GRM7: variants seen among roughly 807,000 people sequenced by gnomAD.
GRM7 encodes glutamate metabotropic receptor 7.
GRM7 carries 35 observed loss-of-function variants against 84.5 expected under a neutral mutation model. The observed-to-expected ratio is 0.41, with a 90% confidence interval of 0.32 to 0.55. The LOEUF is 0.55. Ranked by LOEUF, GRM7 falls within the 20% of genes least tolerant of loss-of-function variation. The probability of loss-of-function intolerance (pLI) is 0.19; values close to 1 mark genes in which losing one functional copy is unlikely to be tolerated. For missense variants in GRM7, 1,003 were observed against 1,194.6 expected (o/e 0.84, Z 2.36); for synonymous variants, 487 against 455.1 (o/e 1.07, Z -0.89).
intron 4 of GRM7, among the ~76,000 whole-genome samples, chr3:7,352,601 G>T (rs1041487175): frequency 6.6e-6 from 1 of 152,052 alleles, no homozygotes; most frequent in Non-Finnish European, 1.5e-5. Context: ...GCCCCAAAGC[G>T]TTTCTACTGT....
intron 4 of GRM7, among the ~76,000 whole-genome samples, chr3:7,341,944 A>C (rs764724124): frequency 6.6e-6 from 1 of 152,178 alleles, no homozygotes; most frequent in Non-Finnish European, 1.5e-5. Context: ...CTATACCCAT[A>C]GAATACAAAG....
intron 1 of GRM7, among the ~76,000 whole-genome samples, chr3:6,891,488 A>G (rs1370347036): frequency 6.6e-6 from 1 of 152,040 alleles, no homozygotes; most frequent in Non-Finnish European, 1.5e-5. Flanking sequence ...TCCTTCACTT[A>G]TGAGGCTTAG....
At chr3:6,926,028 C>T (rs1697285715) in intron 1 of GRM7, among the ~76,000 whole-genome samples, 1 of 152,148 alleles carries the variant, frequency 6.6e-6, no homozygotes, top group African/African-American at 2.4e-5. Context: ...TTTCGTGCTT[C>T]AAATGTGGTC....
At chr3:7,410,836 G>T (rs182433465) in intron 4 of GRM7, among the ~76,000 whole-genome samples, 202 of 152,242 alleles carry the variant, frequency 1.3e-3, no homozygotes, top group African/African-American at 4.4e-3. Context: ...ATTTACTAAG[G>T]TGTATTCCTT....
At chr3:6,981,209 A>G (rs1445610103) in intron 1 of GRM7, among the ~76,000 whole-genome samples, 6 of 152,198 alleles carry the variant, frequency 3.9e-5, no homozygotes, top group African/African-American at 1.4e-4. Context: ...ACATGTTTGA[A>G]TCATTTATAA....
intron 2 of GRM7, among the ~76,000 whole-genome samples, chr3:7,240,059 C>T (rs1697491016): frequency 6.7e-6 from 1 of 148,830 alleles, no homozygotes; most frequent in Non-Finnish European, 1.5e-5. Flanking sequence ...TCCATTTTCC[C>T]CTGTGGAATC....
chr3:7,681,663 A>T (rs1007737786), intron 9 of GRM7: 1 of 152,184 alleles, frequency 6.6e-6, no homozygotes, highest in Non-Finnish European at 1.5e-5. Context: ...CAAGTGGCCA[A>T]TTGAGAGGAG....
chr3:7,108,353 C>T (rs1290063321), intron 1 of GRM7, among the ~76,000 whole-genome samples: 1 of 151,994 alleles, frequency 6.6e-6, no homozygotes, highest in African/African-American at 2.4e-5. Context: ...TATGGACAGG[C>T]TTTGTGAAGA....
At chr3:7,082,508 A>G (rs1047994362) in intron 1 of GRM7, among the ~76,000 whole-genome samples, 1 of 152,134 alleles carries the variant, frequency 6.6e-6, no homozygotes, top group Non-Finnish European at 1.5e-5. Context: ...CATGGCTGCT[A>G]ACACAACATC....
At chr3:7,378,395 A>G (rs1400351491) in intron 4 of GRM7, among the ~76,000 whole-genome samples, 1 of 152,232 alleles carries the variant, frequency 6.6e-6, no homozygotes, top group Admixed American at 6.5e-5. Context: ...AGATATGTAT[A>G]CTAATATGAA....
rs145064752 is a variant in GRM7 at position 6,913,122 on chromosome 3, T to C, written c.519+51215T>C. ...TAATCATTTGATACTCAAAGAAATA[T>C]ATCTTGTAACTCCTATTGTGTCCAT... On this transcript the variant is annotated intron_variant, in intron 1 of 9. Coordinates refer to ENST00000357716, the MANE Select transcript of GRM7 (RefSeq NM_000844.4). Among the ~76,000 whole-genome samples, 89 of 152,294 alleles carry C rather than the reference T, an allele frequency of 5.8e-4. 1 individual carries two copies. The highest frequency in any genetic ancestry group is 3.4e-3 in the Middle Eastern group (1 of 294).
At chr3:7,366,605 T>A (rs1013457180) in intron 4 of GRM7, among the ~76,000 whole-genome samples, 2 of 151,904 alleles carry the variant, frequency 1.3e-5, no homozygotes, top group African/African-American at 4.8e-5. Context: ...TTTCTGTAAG[T>A]GCATACCCTG....
chr3:7,176,915 G>C (rs1695169858), intron 2 of GRM7, among the ~76,000 whole-genome samples: 1 of 152,174 alleles, frequency 6.6e-6, no homozygotes, highest in South Asian at 2.1e-4. Flanking sequence ...ACCTGTAAAA[G>C]AATATAAGTT....
intron 1 of GRM7, among the ~76,000 whole-genome samples, chr3:6,913,341 G>C (rs1231720337): frequency 6.6e-6 from 1 of 152,050 alleles, no homozygotes; most frequent in Non-Finnish European, 1.5e-5. Flanking sequence ...CTTTTGTGTG[G>C]TATGATGTTC....
chr3:7,153,600 T>G (rs989969151), intron 2 of GRM7, among the ~76,000 whole-genome samples: 1 of 152,154 alleles, frequency 6.6e-6, no homozygotes, highest in East Asian at 1.9e-4. Flanking sequence ...AGTAAAGCAG[T>G]TGAAAGTTTT....
chr3:6,934,221 A>C (rs938555044), intron 1 of GRM7, among the ~76,000 whole-genome samples: 6 of 152,212 alleles, frequency 3.9e-5, no homozygotes, highest in African/African-American at 1.4e-4. Context: ...TTAGGTACTC[A>C]GAAAATCTCC....
At chr3:7,620,000 T>C (rs1233719152) in intron 8 of GRM7, among the ~76,000 whole-genome samples, 1 of 152,128 alleles carries the variant, frequency 6.6e-6, no homozygotes, top group African/African-American at 2.4e-5. Context: ...AGACCAAAAA[T>C]CCTGACCACT....
intron 4 of GRM7, among the ~76,000 whole-genome samples, chr3:7,408,990 C>T (rs555853073): frequency 6.6e-6 from 1 of 152,284 alleles, no homozygotes; most frequent in South Asian, 2.1e-4. Context: ...TGAAATACTA[C>T]CTTTATTCTC....
chr3:7,120,432 A>G (rs990583987), intron 1 of GRM7, among the ~76,000 whole-genome samples: 4 of 152,130 alleles, frequency 2.6e-5, no homozygotes, highest in African/African-American at 7.2e-5. Context: ...TGTTTTCTAA[A>G]GGATTGATTG....
Sources: gnomAD v4.1 joint callset for allele counts (sites outside exome capture counted in the v4.1 genomes callset) on GRCh38, gnomAD v4.1.1 for gene constraint, MANE v1.5 for transcripts, NCBI Gene and HGNC (gene_info 2026-07-23, HGNC 2026-07-21) for gene names.